Variants in CBLC observed in about 807,000 individuals in gnomAD.
CBLC encodes Cbl proto-oncogene C.
A neutral mutation model predicts 58.6 loss-of-function variants in CBLC; 46 were observed. That is an observed-to-expected ratio of 0.79 (90% CI 0.62 to 1.00). CBLC has a LOEUF of 1.00. Ranked by LOEUF, CBLC falls within the 50% of genes least tolerant of loss-of-function variation. The pLI is 0.00. For missense variants in CBLC, 655 were observed against 625.8 expected (o/e 1.05, Z -0.50); for synonymous variants, 271 against 264.2 (o/e 1.03, Z -0.25).
In CBLC at chr19:44,794,274, C is replaced by T; in HGVS notation, c.1355C>T (p.Pro452Leu). 11 of 1,612,768 alleles carry T rather than the reference C, an allele frequency of 6.8e-6. 1 individual carries two copies. The highest frequency in any genetic ancestry group is 3.3e-5 in the South Asian group (3 of 90,908). ...LPPRKPRNAQPKVRLLKGNSP... is the reference protein window; with the variant it reads ...LPPRKPRNAQLKVRLLKGNSP... ...CCCAGGAAGCCCAGAAATGCCCAGC[C>T]GAAAGTGGTGAGTCAGGCGCTGGTC... Residue 452 changes from proline to leucine, a missense_variant, in exon 9 of 11, where the codon CCG becomes CTG. By Grantham distance (98) the Pro-to-Leu change is moderately conservative. Around this residue, in one of 3 missense-constraint regions of CBLC, gnomAD observed 371 missense variants for 370.8 expected, o/e 1.00. Coordinates refer to ENST00000647358, the MANE Select transcript of CBLC (RefSeq NM_012116.4).
At chr19:44,784,580 G>T (rs1424741219) in intron 5 of CBLC, among the ~76,000 whole-genome samples, 179 bp downstream of exon 5, 2 of 152,146 alleles carry the variant, frequency 1.3e-5, no homozygotes, top group Non-Finnish European at 2.9e-5. Context: ...TGAGGAAGGG[G>T]CGCCTCTGAG....
In CBLC at chr19:44,793,577, G is replaced by A; in HGVS notation, c.1241G>A (p.Gly414Glu). Residue 414 changes from glycine to glutamate, a missense_variant, in exon 8 of 11, where the codon GGG becomes GAG. Gly to Glu is a moderately conservative substitution (Grantham distance 98, BLOSUM62 -2). This residue lies in a region of CBLC where 371 missense variants were observed against 370.8 expected (regional missense o/e 1.00). Coordinates refer to ENST00000647358, the MANE Select transcript of CBLC (RefSeq NM_012116.4). ...FHGQATAEDS[G>E]NSSDQEGREL... ...GGTCAGGCTACTGCTGAGGACTCAGGGAACAGCAGTGACCAGGAAGGCAGG... is the reference window on the plus strand; with the variant it reads ...GGTCAGGCTACTGCTGAGGACTCAGAGAACAGCAGTGACCAGGAAGGCAGG... The A allele has an allele frequency of 6.2e-7, 1 of 1,608,094 alleles. No individual in the cohort carries two copies. Among genetic ancestry groups the A allele is most frequent in the Non-Finnish European group, 8.5e-7 (1 of 1,178,754 alleles).
At position 44,792,341 on chromosome 19, in the gene CBLC, A is replaced by T. The variant is rs374760707; in HGVS notation, c.1006-42A>T. ...GGCCCAAGTTGTGTCCCCGTGGCTG[A>T]CGCATGCCCCTCGCTGTCTTCTCTA... On this transcript the variant is annotated intron_variant, in intron 6 of 10. Transcript: ENST00000647358. 8.1e-6 allele frequency: 13 copies of T among 1,608,770 alleles called. No homozygotes were observed. In the African/African-American group the frequency reaches 1.7e-4, roughly 22 times the overall value.
intron 5 of CBLC, among the ~76,000 whole-genome samples, chr19:44,788,351 C>A (rs547732682): frequency 1.2e-4 from 18 of 151,674 alleles, no homozygotes; most frequent in Non-Finnish European, 1.9e-4. Flanking sequence ...GTCTCGAACC[C>A]CTGGGCTCAA....
Position 44,778,235 on chromosome 19 carries a change from G to A in CBLC, c.304G>A (p.Gly102Ser). The change falls in exon 1 of 11, where the codon GGC becomes AGC. Residue 102 changes from glycine to serine, a missense_variant. By Grantham distance (56) the Gly-to-Ser change is moderately conservative. Around this residue, in one of 3 missense-constraint regions of CBLC, gnomAD observed 280 missense variants for 237.2 expected, o/e 1.18. Transcript: ENST00000647358. ...RQVAALLPPRGRRSANDELFR... is the reference protein window; with the variant it reads ...RQVAALLPPRSRRSANDELFR... ...GGTGGCCGCGCTGCTGCCTCCCCGG[G>A]GCCGAAGGAGTGCCAACGACGAGCT... The A allele has an allele frequency of 6.9e-7, 1 of 1,458,704 alleles. No homozygotes were observed. Among genetic ancestry groups the A allele is most frequent in the Non-Finnish European group, 9.0e-7 (1 of 1,107,368 alleles). 90.4% of individuals were successfully genotyped at this position (1,458,704 alleles called of 1,614,324 possible). A position where few individuals can be genotyped will look rare whatever the true frequency, so the allele number is the denominator to read the frequency against.
At chr19:44,784,961 T>TG (rs1568558689) in intron 5 of CBLC, among the ~76,000 whole-genome samples, 11 of 101,914 alleles carry the variant, frequency 1.1e-4, no homozygotes, top group African/African-American at 2.2e-4. Flanking sequence ...TTTTTTTTTT[T>TG]TTTTTTTTTT....
chr19:44,779,307 A>G (rs1380257244), intron 1 of CBLC, among the ~76,000 whole-genome samples: 1 of 151,886 alleles, frequency 6.6e-6, no homozygotes, highest in African/African-American at 2.4e-5. Context: ...AGATGGACAC[A>G]CCCAAAGAAA....
rs774514447 is a variant in CBLC at position 44,779,553 on chromosome 19, C to CTTTTTTT, written c.353+1278_353+1284dup. On this transcript the variant is annotated intron_variant, in intron 1 of 10. Transcript: ENST00000647358. The stretch of plus-strand genomic sequence containing the variant: ...TTATATTAAATATTTTGTAGTGTCT[C>CTTTTTTT]TTTTTTTTTTTTTTTGGACACAAGG... Among the ~76,000 whole-genome samples the CTTTTTTT allele has an allele frequency of 3.3e-3, 458 of 137,260 alleles. 7 individuals carry two copies. Among genetic ancestry groups the CTTTTTTT allele is most frequent in the African/African-American group, 0.012 (437 of 35,372 alleles). The allele number at this position is 137,260 out of a possible 152,430, so 90.0% of individuals were successfully genotyped here.
intron 9 of CBLC, 42 bp downstream of exon 9, chr19:44,794,323 C>G (rs1163529822): frequency 6.3e-7 from 1 of 1,591,014 alleles, no homozygotes; most frequent in Non-Finnish European, 8.6e-7. Context: ...TGGGGTCTCA[C>G]TCACCTCCAG....
In CBLC at chr19:44,780,981, T is replaced by A. The variant is rs1967710418; in HGVS notation, c.430T>A (p.Tyr144Asn). 6.2e-7 allele frequency: 1 copy of A among 1,613,476 alleles called. No individual in the cohort carries two copies. Among genetic ancestry groups the A allele is most frequent in the Non-Finnish European group, 8.5e-7 (1 of 1,180,010 alleles). ...ELHALFPGGK[Y>N]CGHMYQLTKA... ...GCACGCACTCTTCCCCGGGGGAAAGTACTGTGGACACATGTACCAGCTCAC... is the reference window on the plus strand; with the variant it reads ...GCACGCACTCTTCCCCGGGGGAAAGAACTGTGGACACATGTACCAGCTCAC... The change falls in exon 2 of 11, where the codon TAC (tyrosine) becomes AAC (asparagine). Residue 144 changes from tyrosine (Y) to asparagine (N), a missense_variant. Coordinates refer to ENST00000647358, the MANE Select transcript of CBLC (RefSeq NM_012116.4).
intron 4 of CBLC, among the ~76,000 whole-genome samples, chr19:44,783,570 A>G: frequency 6.6e-6 from 1 of 151,860 alleles, no homozygotes; most frequent in East Asian, 1.9e-4. Context: ...AGTCCCAGCT[A>G]CTTGGGAGGT....
intron 5 of CBLC, among the ~76,000 whole-genome samples, chr19:44,787,179 G>T (rs1330646447): frequency 6.6e-6 from 1 of 151,944 alleles, no homozygotes; most frequent in Non-Finnish European, 1.5e-5. Flanking sequence ...GGATCACCAG[G>T]CCAGGAGATC....
Position 44,777,905 on chromosome 19 carries a change from G to T in CBLC, c.-27G>T. 1 of 1,521,400 alleles carries T rather than the reference G, an allele frequency of 6.6e-7. No individual in the cohort carries two copies. 94.2% of individuals were successfully genotyped at this position (1,521,400 alleles called of 1,614,324 possible). On this transcript the variant is annotated 5_prime_UTR_variant, in exon 1 of 11. Transcript: ENST00000647358. ...GGCCGCCCCTATCCCAGCCGCACCG[G>T]TCCTTCCCGGCACACGCGAGGCTCC...
Position 44,784,353 on chromosome 19 carries a change from C to T in CBLC, c.869C>T (p.Ala290Val). Residue 290 changes from alanine (A) to valine (V), a missense_variant, in exon 5 of 11, where the codon GCC becomes GTC. Physicochemically the swap from Ala to Val is moderately conservative, Grantham distance 64 (BLOSUM62 0). Coordinates refer to ENST00000647358, the MANE Select transcript of CBLC (RefSeq NM_012116.4). Reference protein sequence around the residue: ...SDGSILQTIPANKPLSQVLLE... With the variant: ...SDGSILQTIPVNKPLSQVLLE... Reference sequence around the variant, plus strand: ...GGCAGCATCCTGCAGACCATCCCTGCCAACAAACCCCTGTCCCAGGTGCTC... The same window carrying T: ...GGCAGCATCCTGCAGACCATCCCTGTCAACAAACCCCTGTCCCAGGTGCTC... 1 of 1,601,180 alleles carries T rather than the reference C, an allele frequency of 6.2e-7. No individual in the cohort carries two copies.
intron 5 of CBLC, among the ~76,000 whole-genome samples, chr19:44,788,502 CAG>C (rs1289501096): frequency 3.8e-5 from 5 of 130,650 alleles, no homozygotes; most frequent in Admixed American, 3.3e-4. Context: ...TTTTTTGAGA[CAG>C]AGTCTTGCTG....
intron 9 of CBLC, among the ~76,000 whole-genome samples, chr19:44,798,193 G>GT (rs34741397): frequency 7.0e-6 from 1 of 142,404 alleles, no homozygotes; most frequent in Non-Finnish European, 1.5e-5. Context: ...CACAGGCTGG[G>GT]TTTTTTTGTT....
chr19:44,791,507 C>A (rs1021907259), intron 6 of CBLC, among the ~76,000 whole-genome samples: 4 of 151,920 alleles, frequency 2.6e-5, no homozygotes, highest in African/African-American at 4.8e-5. Context: ...CCAAGGCGGG[C>A]AGATTACTTG....
chr19:44,785,093 G>A (rs1357993745), intron 5 of CBLC, among the ~76,000 whole-genome samples: 6 of 147,600 alleles, frequency 4.1e-5, no homozygotes, highest in East Asian at 2.1e-4. Context: ...TGCCTCAGCC[G>A]CCTGAGTAGG....
In CBLC at chr19:44,778,437, G is replaced by GA. The variant is rs1281817408; in HGVS notation, c.353+153_353+154insA. ...CCACCACCTCCTCCCTCAGACTCAG[G>GA]GCTCCAGCCCCCAGCCCCTCCTCCC... is the stretch of plus-strand genomic sequence containing the variant. On this transcript the variant is annotated intron_variant, in intron 1 of 10. Coordinates refer to ENST00000647358, the MANE Select transcript of CBLC (RefSeq NM_012116.4). 8.5e-3 allele frequency among the ~76,000 whole-genome samples: 480 copies of GA among 56,298 alleles called. 6 individuals are homozygous for GA. Among genetic ancestry groups the GA allele is most frequent in the African/African-American group, 0.031 (175 of 5,726 alleles). The allele number at this position is 56,298 out of a possible 152,430, so 36.9% of individuals were successfully genotyped here.
Sources: allele counts gnomAD v4.1 joint callset (sites outside exome capture counted in the v4.1 genomes callset), GRCh38; gene constraint gnomAD v4.1.1; regional missense constraint gnomAD v4.1.1; transcripts MANE v1.5; gene names NCBI Gene and HGNC (gene_info 2026-07-23, HGNC 2026-07-21).